Variants in CRPPA observed in about 807,000 individuals in gnomAD.
CRPPA encodes the protein D-ribitol-5-phosphate cytidylyltransferase.
A neutral mutation model predicts 52.0 loss-of-function variants in CRPPA; 43 were observed. The ratio of observed to expected loss-of-function variants is 0.83; its 90% confidence interval spans 0.65 to 1.07. The LOEUF (loss-of-function observed/expected upper bound fraction) is 1.07. Among genes scored for constraint, CRPPA ranks in the 50% least tolerant of loss-of-function variants. CRPPA has a pLI of 0.00. For missense variants in CRPPA, 629 were observed against 551.7 expected, an observed-to-expected ratio of 1.14 and a Z score of -1.40; for synonymous variants, 250 against 203.5, an observed-to-expected ratio of 1.23 and a Z score of -1.94.
intron 8 of CRPPA, among the ~76,000 whole-genome samples, chr7:16,242,851 C>CA (rs1783160675): frequency 6.6e-6 from 1 of 152,054 alleles, no homozygotes; most frequent in African/African-American, 2.4e-5. Flanking sequence ...TCTAAAAGCT[C>CA]ACAGTTAAAA....
At chr7:16,253,812 G>A (rs923237623) in intron 8 of CRPPA, among the ~76,000 whole-genome samples, 4 of 152,054 alleles carry the variant, frequency 2.6e-5, no homozygotes, top group Non-Finnish European at 4.4e-5. Flanking sequence ...CCTACAGAAC[G>A]GGAGAAAATT....
At chr7:16,347,875 C>T (rs1023384900) in intron 3 of CRPPA, among the ~76,000 whole-genome samples, 1 of 151,996 alleles carries the variant, frequency 6.6e-6, no homozygotes, top group Non-Finnish European at 1.5e-5. Flanking sequence ...CTTAATTCAC[C>T]AATGCAGGGA....
At position 16,219,669 on chromosome 7, in the gene CRPPA, A is replaced by C. The variant is rs1052593796; in HGVS notation, c.1120-3472T>G. 8.0e-4 allele frequency among the ~76,000 whole-genome samples: 90 copies of C among 113,130 alleles called. 2 individuals carry two copies. Among genetic ancestry groups the C allele is most frequent in the Non-Finnish European group, 1.5e-3 (79 of 51,658 alleles). The allele number at this position is 113,130 out of a possible 152,430, so 74.2% of individuals were successfully genotyped here. A position where few individuals can be genotyped will look rare whatever the true frequency, so the allele number is the denominator to read the frequency against. On this transcript the variant is annotated intron_variant, in intron 8 of 9. Coordinates refer to ENST00000407010, the MANE Select transcript of CRPPA (RefSeq NM_001101426.4). ...ATCAGAGAATACTACAAACACCTCT[A>C]CGCAAATAAACTAGAAAATCTAGAA...
At chr7:16,384,619 GC>G (rs1241080273) in intron 2 of CRPPA, among the ~76,000 whole-genome samples, 3 of 152,186 alleles carry the variant, frequency 2.0e-5, no homozygotes, top group Admixed American at 1.3e-4. Flanking sequence ...GTCAAAGAGA[GC>G]CCCACTGAAA....
intron 3 of CRPPA, among the ~76,000 whole-genome samples, chr7:16,355,493 T>C (rs528461842): frequency 2.6e-5 from 4 of 152,308 alleles, no homozygotes; most frequent in East Asian, 3.9e-4. Context: ...CAAATGACCA[T>C]TGGATGTCTT....
intron 3 of CRPPA, among the ~76,000 whole-genome samples, chr7:16,330,017 G>A (rs1276796556): frequency 6.6e-6 from 1 of 152,176 alleles, no homozygotes; most frequent in African/African-American, 2.4e-5. Context: ...GAAAATCACG[G>A]TATATCGCTT....
At chr7:16,206,483 A>T (rs1781976246) in intron 9 of CRPPA, among the ~76,000 whole-genome samples, 1 of 152,096 alleles carries the variant, frequency 6.6e-6, no homozygotes, top group African/African-American at 2.4e-5. Context: ...CTCTTTTGAA[A>T]GATTTGTCTG....
At chr7:16,315,152 C>T (rs911989448) in intron 3 of CRPPA, among the ~76,000 whole-genome samples, 16 of 152,062 alleles carry the variant, frequency 1.1e-4, no homozygotes, top group African/African-American at 3.4e-4. Flanking sequence ...TCTAGTCTAC[C>T]GATAAGGCAT....
intron 3 of CRPPA, among the ~76,000 whole-genome samples, chr7:16,334,813 C>A (rs1785639076): frequency 6.6e-6 from 1 of 152,076 alleles, no homozygotes; most frequent in Non-Finnish European, 1.5e-5. Flanking sequence ...GTGGCCCCAT[C>A]CAAATTCCTA....
chr7:16,290,919 G>C (rs79133020), intron 5 of CRPPA, among the ~76,000 whole-genome samples: 4,148 of 151,808 alleles, frequency 0.027, 185 homozygotes, highest in African/African-American at 0.094. Context: ...CATATACAAG[G>C]AACTCAACAG....
rs1267214623 is a variant in CRPPA at position 16,258,483 on chromosome 7, C to A, written c.1027-1G>T. On this transcript the variant is annotated splice_acceptor_variant, in intron 7 of 9. Transcript: ENST00000407010. LOFTEE classifies it high-confidence loss of function. ...TTTCTTGAAAATCAGAGGTTGTAAC[C>A]TAAAAGACCAGAAAAATAAAAGGAT... The A allele has an allele frequency of 3.8e-6, 6 of 1,578,548 alleles. No individual in the cohort carries two copies. In the South Asian group the frequency reaches 5.8e-5, roughly 15 times the overall value.
Position 16,402,387 on chromosome 7 carries a change from A to T in CRPPA, c.534+3674T>A, listed in dbSNP as rs141637129. 1.8e-3 allele frequency among the ~76,000 whole-genome samples: 269 copies of T among 152,306 alleles called. 1 individual carries two copies. The highest frequency in any genetic ancestry group is 6.2e-3 in the African/African-American group (258 of 41,572). On this transcript the variant is annotated intron_variant, in intron 2 of 9. Coordinates refer to ENST00000407010, the MANE Select transcript of CRPPA (RefSeq NM_001101426.4). ...GAACAAAAATCCTTGCCTCAGAAAC[A>T]CACCCTTATCCCATGTTTACAGAAA...
chr7:16,092,204 G>C (rs1781851860), intron 9 of CRPPA, among the ~76,000 whole-genome samples: 1 of 150,920 alleles, frequency 6.6e-6, no homozygotes, highest in African/African-American at 2.5e-5. Flanking sequence ...TACCGGTATA[G>C]GGGGGAAAAC....
rs1781678945 is a variant in CRPPA at position 16,194,248 on chromosome 7, C to A, written c.1251+21818G>T. 2.0e-5 allele frequency among the ~76,000 whole-genome samples: 3 copies of A among 152,058 alleles called. No individual in the cohort carries two copies. The South Asian group carries it at 6.2e-4, about 32-fold the overall frequency. On this transcript the variant is annotated intron_variant, in intron 9 of 9. Coordinates refer to ENST00000407010, the MANE Select transcript of CRPPA (RefSeq NM_001101426.4). ...AGATTTTAATTCATTAGACATAACA[C>A]TATTGCCCTAGAACACTGAAAGATA...
intron 9 of CRPPA, among the ~76,000 whole-genome samples, chr7:16,200,951 A>T (rs764936790): frequency 5.9e-5 from 9 of 152,188 alleles, no homozygotes; most frequent in Non-Finnish European, 1.3e-4. Flanking sequence ...TTGTTCATTT[A>T]TGTTATTTTT....
intron 9 of CRPPA, among the ~76,000 whole-genome samples, chr7:16,169,763 C>T (rs369108721): frequency 6.6e-6 from 1 of 152,202 alleles, no homozygotes; most frequent in Non-Finnish European, 1.5e-5. Context: ...TCATACACCA[C>T]TTCTGGACAA....
chr7:16,182,773 G>C (rs543954751), intron 9 of CRPPA, among the ~76,000 whole-genome samples: 12 of 152,146 alleles, frequency 7.9e-5, no homozygotes, highest in Non-Finnish European at 1.3e-4. Flanking sequence ...GTTTAATTAT[G>C]ACTTGTGCCA....
chr7:16,236,602 C>G (rs890988051), intron 8 of CRPPA, among the ~76,000 whole-genome samples: 1 of 152,058 alleles, frequency 6.6e-6, no homozygotes, highest in Non-Finnish European at 1.5e-5. Flanking sequence ...CCAAAACCTG[C>G]AAAAGTAATC....
At chr7:16,192,389 T>TG (rs1781633796) in intron 9 of CRPPA, among the ~76,000 whole-genome samples, 1 of 152,128 alleles carries the variant, frequency 6.6e-6, no homozygotes, top group Non-Finnish European at 1.5e-5. Flanking sequence ...ACAGATAACA[T>TG]GCACAATCTG....
Sources: gnomAD v4.1 joint callset for allele counts (sites outside exome capture counted in the v4.1 genomes callset) on GRCh38, gnomAD v4.1.1 for gene constraint, MANE v1.5 for transcripts, NCBI Gene and HGNC (gene_info 2026-07-23, HGNC 2026-07-21) for gene names.